NELL2: variants seen among roughly 807,000 people sequenced by gnomAD.
NELL2 encodes the protein protein kinase C-binding protein NELL2.
A neutral mutation model predicts 109.6 loss-of-function variants in NELL2; 41 were observed. The ratio of observed to expected loss-of-function variants is 0.37; its 90% confidence interval spans 0.29 to 0.49. The LOEUF (loss-of-function observed/expected upper bound fraction) is 0.49, where lower values mean the gene tolerates loss of function less well. Among genes scored for constraint, NELL2 ranks in the 20% least tolerant of loss-of-function variants. The pLI is 0.98. For missense variants in NELL2, 900 were observed against 1,008.3 expected, an observed-to-expected ratio of 0.89 and a Z score of 1.45; for synonymous variants, 355 against 344.7, an observed-to-expected ratio of 1.03 and a Z score of -0.33.
At chr12:44,894,348 C>T (rs1212541568) in intron 1 of NELL2, among the ~76,000 whole-genome samples, 2 of 152,040 alleles carry the variant, frequency 1.3e-5, no homozygotes, top group Non-Finnish European at 2.9e-5. Flanking sequence ...ATAGAGAAAC[C>T]TGTCTCACCT....
chr12:44,681,310 G>C (rs557978279), intron 12 of NELL2, among the ~76,000 whole-genome samples: 13 of 149,258 alleles, frequency 8.7e-5, no homozygotes, highest in Non-Finnish European at 1.6e-4. Flanking sequence ...CACTGTATAC[G>C]TTTTAATCAT....
intron 15 of NELL2, among the ~76,000 whole-genome samples, chr12:44,541,250 C>CAAA (rs3071951): frequency 0.02 from 1,573 of 78,668 alleles, 63 homozygotes; most frequent in Non-Finnish European, 0.029. Flanking sequence ...GACTCCATCT[C>CAAA]AAAAAAAAAA....
At chr12:44,583,686 C>A (rs1467930540) in intron 15 of NELL2, among the ~76,000 whole-genome samples, 1 of 152,180 alleles carries the variant, frequency 6.6e-6, no homozygotes, top group African/African-American at 2.4e-5. Context: ...ACGAAATGAA[C>A]ACTAAGTGTT....
intron 15 of NELL2, among the ~76,000 whole-genome samples, chr12:44,595,545 G>C (rs948803161): frequency 4.6e-5 from 7 of 151,466 alleles, no homozygotes; most frequent in Non-Finnish European, 1.0e-4. Flanking sequence ...TCCTGCCTCA[G>C]CCTCCTGAGT....
intron 12 of NELL2, among the ~76,000 whole-genome samples, chr12:44,672,962 A>T (rs2136353716): frequency 6.6e-6 from 1 of 152,306 alleles, no homozygotes; most frequent in South Asian, 2.1e-4. Context: ...GCTATTGAAT[A>T]TGAAACCTTT....
chr12:44,899,548 T>C (rs192310250), intron 1 of NELL2, among the ~76,000 whole-genome samples: 7 of 152,096 alleles, frequency 4.6e-5, no homozygotes, highest in Non-Finnish European at 7.4e-5. Flanking sequence ...AAATCCTTTA[T>C]AGACAAGCAA....
intron 15 of NELL2, among the ~76,000 whole-genome samples, chr12:44,539,389 C>T (rs903655061): frequency 1.3e-5 from 2 of 151,864 alleles, no homozygotes; most frequent in African/African-American, 4.8e-5. Flanking sequence ...GGGGGGGATG[C>T]CTTCATTGAT....
At chr12:44,785,895 C>A (rs1247578409) in intron 3 of NELL2, among the ~76,000 whole-genome samples, 1 of 152,170 alleles carries the variant, frequency 6.6e-6, no homozygotes, top group Non-Finnish European at 1.5e-5. Context: ...GGATTAAAGA[C>A]ATAAATGTAA....
intron 15 of NELL2, among the ~76,000 whole-genome samples, chr12:44,586,222 T>C (rs1263576782): frequency 6.7e-6 from 1 of 148,582 alleles, no homozygotes; most frequent in Admixed American, 6.8e-5. Context: ...TAATCATATA[T>C]ATCTAATTGA....
intron 1 of NELL2, among the ~76,000 whole-genome samples, chr12:44,908,410 T>A (rs943681756): frequency 3.3e-5 from 5 of 152,066 alleles, no homozygotes; most frequent in African/African-American, 9.6e-5. Context: ...TATTCAAGAA[T>A]AAACTGGAAA....
At chr12:44,895,117 T>G (rs2097313401) in intron 1 of NELL2, among the ~76,000 whole-genome samples, 1 of 152,160 alleles carries the variant, frequency 6.6e-6, no homozygotes, top group Non-Finnish European at 1.5e-5. Flanking sequence ...AAGTAGAGAT[T>G]CTAGAGAGAA....
At chr12:44,520,261 G>A (rs770935996) in intron 18 of NELL2, 32 bp from the exon 19 acceptor site, 1 of 1,553,362 alleles carries the variant, frequency 6.4e-7, no homozygotes. Context: ...AAGGGCAGAG[G>A]GAGAGGGAGG....
At chr12:44,606,247 A>C (rs1409286325) in intron 15 of NELL2, among the ~76,000 whole-genome samples, 1 of 152,170 alleles carries the variant, frequency 6.6e-6, no homozygotes, top group East Asian at 1.9e-4. Context: ...ATGGAGCAGA[A>C]CATTTTCTGT....
upstream of NELL2, chr12:44,876,811 C>G: frequency 1.5e-6 from 2 of 1,353,006 alleles, no homozygotes; most frequent in African/African-American, 1.5e-5. Context: ...CACCAAAACA[C>G]GCTGCACTGC....
At chr12:44,625,196 G>A (rs1339307030) in intron 13 of NELL2, among the ~76,000 whole-genome samples, 1 of 151,688 alleles carries the variant, frequency 6.6e-6, no homozygotes, top group Non-Finnish European at 1.5e-5. Context: ...AGACTGCTGT[G>A]CATTCCTTTA....
intron 3 of NELL2, among the ~76,000 whole-genome samples, chr12:44,813,548 G>A (rs1365240622): frequency 6.6e-6 from 1 of 151,998 alleles, no homozygotes; most frequent in African/African-American, 2.4e-5. Context: ...AAATACTTAT[G>A]TATAAGAAAT....
intron 3 of NELL2, among the ~76,000 whole-genome samples, chr12:44,783,010 A>G (rs895734571): frequency 6.6e-6 from 1 of 151,892 alleles, no homozygotes. Flanking sequence ...AAACCTCAAC[A>G]AAACAACATT....
intron 15 of NELL2, among the ~76,000 whole-genome samples, chr12:44,548,930 G>T (rs1391792213): frequency 6.6e-6 from 1 of 152,056 alleles, no homozygotes; most frequent in African/African-American, 2.4e-5. Flanking sequence ...TTCCCCAGTG[G>T]AATGTTCTTT....
chr12:44,862,402 T>C (rs1944869064), intron 2 of NELL2, among the ~76,000 whole-genome samples: 1 of 152,092 alleles, frequency 6.6e-6, no homozygotes, highest in South Asian at 2.1e-4. Context: ...CTAGAAAATG[T>C]AGCATTGCCA....
Sources: allele counts gnomAD v4.1 joint callset (sites outside exome capture counted in the v4.1 genomes callset), GRCh38; gene constraint gnomAD v4.1.1; transcripts MANE v1.5; gene names NCBI Gene and HGNC (gene_info 2026-07-23, HGNC 2026-07-21).